Variants in SLC27A1 observed in about 807,000 individuals in gnomAD.
The protein encoded by SLC27A1 is long-chain fatty acid transport protein 1.
Under a neutral mutation model 62.2 loss-of-function variants are expected in SLC27A1, and 61 were observed. The ratio of observed to expected loss-of-function variants is 0.98; its 90% CI spans 0.80 to 1.21. The LOEUF is 1.21. SLC27A1 is among the 50% of genes most tolerant of loss of function. The pLI is 0.00. For synonymous variants in SLC27A1, 435 were observed against 408.6 expected (o/e 1.06, Z -0.78); for missense variants, 903 against 932.1 (o/e 0.97, Z 0.41).
At chr19:17,504,263 G>C (rs892210306) in intron 11 of SLC27A1, among the ~76,000 whole-genome samples, 192 bp from the exon 12 acceptor site, 5 of 152,150 alleles carry the variant, frequency 3.3e-5, no homozygotes, top group Non-Finnish European at 7.4e-5. Context: ...GGTTAGGGAG[G>C]CCTCACTGGA....
upstream of SLC27A1, chr19:17,470,478 C>T (rs1568406972): frequency 1.1e-5 from 16 of 1,398,360 alleles, no homozygotes; most frequent in East Asian, 8.9e-5. Context: ...GGTCGTGGGG[C>T]GGAGCGGGTC....
chr19:17,479,114 A>T (rs937814129), intron 1 of SLC27A1, among the ~76,000 whole-genome samples: 10 of 152,174 alleles, frequency 6.6e-5, no homozygotes, highest in South Asian at 4.2e-4. Context: ...TAAAAAATTT[A>T]AAAAATTATC....
Position 17,487,182 on chromosome 19 carries a change from GAA to G in SLC27A1, c.572_573del (p.Glu191GlyfsTer92). On this transcript the variant is annotated frameshift_variant, in exon 3 of 12. Transcript: ENST00000252595. LOFTEE classifies it high-confidence loss of function. ...FGGEMVAAVA[E>X]VSGHLGKSLI... Reference sequence around the variant, plus strand: ...TGTGTTGGGGACCACAGCGGTGGCCGAAGTGAGCGGGCATCTGGGGAAAAGTT... The same window carrying G: ...TGTGTTGGGGACCACAGCGGTGGCCGGTGAGCGGGCATCTGGGGAAAAGTT... The G allele has an allele frequency of 1.2e-6, 2 of 1,614,082 alleles. No individual in the cohort carries two copies. The highest frequency in any genetic ancestry group is 3.3e-5 in the Admixed American group (2 of 60,014).
upstream of SLC27A1, among the ~76,000 whole-genome samples, chr19:17,469,800 A>G (rs1347247859): frequency 6.7e-6 from 1 of 148,916 alleles, no homozygotes; most frequent in Non-Finnish European, 1.5e-5. Context: ...TGGCCAGGAT[A>G]GAACCTGAGC....
Position 17,470,708 on chromosome 19 carries a change from G to A in SLC27A1, c.167+1G>A, listed in dbSNP as rs777347224. ...GCAAGACCGCGAGGCGAGACCTCTT[G>A]TGAGTGTTGCCGGGATCCGTCCAGG... On this transcript the variant is annotated splice_donor_variant, in intron 1 of 11. Coordinates refer to ENST00000252595, the MANE Select transcript of SLC27A1 (RefSeq NM_198580.3). LOFTEE classifies it high-confidence loss of function. 2.5e-6 allele frequency: 4 copies of A among 1,581,478 alleles called. No homozygotes were observed. Among genetic ancestry groups the A allele is most frequent in the Non-Finnish European group, 3.4e-6 (4 of 1,169,936 alleles).
In SLC27A1 at chr19:17,500,839, CCAGA is replaced by C. The variant is rs758341108; in HGVS notation, c.1605_1608del (p.Asp536TrpfsTer87). The C allele has an allele frequency of 1.9e-6, 3 of 1,610,860 alleles. No homozygotes were observed. The highest frequency in any genetic ancestry group is 2.7e-5 in the African/African-American group (2 of 74,910). On this transcript the variant is annotated frameshift_variant, in exon 10 of 12. Coordinates refer to ENST00000252595, the MANE Select transcript of SLC27A1 (RefSeq NM_198580.3). LOFTEE classifies it high-confidence loss of function. Reference sequence around the variant, plus strand: ...AGGGCGTGCTGAGCCGCCTGCTGGGCCAGACAGACGTGGCCGTCTATGGGGTGGC... The same window carrying C: ...AGGGCGTGCTGAGCCGCCTGCTGGGCCAGACGTGGCCGTCTATGGGGTGGC...
At position 17,500,747 on chromosome 19, in the gene SLC27A1, T is replaced by C. The variant is rs747586476; in HGVS notation, c.1507T>C (p.Tyr503His). 9.9e-6 allele frequency: 16 copies of C among 1,613,862 alleles called. 1 individual carries two copies. In the Admixed American group the frequency reaches 2.5e-4, roughly 25 times the overall value. Residue 503 changes from tyrosine to histidine, a missense_variant, in exon 10 of 12, where the codon TAC becomes CAC. Tyr to His is a moderately conservative substitution (Grantham distance 83, BLOSUM62 2). Transcript: ENST00000252595. ...VLVMDELGYM[Y>H]FRDRSGDTFR... The stretch of plus-strand genomic sequence containing the variant: ...AGTGATGGATGAGCTGGGCTACATG[T>C]ACTTCCGGGACCGTAGCGGGGACAC...
At chr19:17,502,674 CTTTT>C (rs2075430635) in intron 11 of SLC27A1, among the ~76,000 whole-genome samples, 1 of 151,304 alleles carries the variant, frequency 6.6e-6, no homozygotes, top group Admixed American at 6.6e-5. Context: ...TTTTCTTTTT[CTTTT>C]GTTTTTTTTG....
chr19:17,498,495 G>C (rs2075373038), intron 7 of SLC27A1: 1 of 159,722 alleles, frequency 6.3e-6, no homozygotes, highest in South Asian at 2.0e-4. Context: ...GCTCACTGTA[G>C]CTCAGATTCT....
intron 6 of SLC27A1, among the ~76,000 whole-genome samples, chr19:17,495,113 C>T (rs980001940): frequency 2.6e-5 from 4 of 151,810 alleles, no homozygotes; most frequent in African/African-American, 9.7e-5. Flanking sequence ...GCTGGGATTA[C>T]AGGCACATGC....
intron 9 of SLC27A1, 27 bp from the exon 10 acceptor site, chr19:17,500,685 C>T: frequency 7.4e-6 from 12 of 1,614,044 alleles, no homozygotes; most frequent in East Asian, 2.2e-5. Flanking sequence ...GGATCCTCCA[C>T]CCATCTGCCC....
intron 6 of SLC27A1, among the ~76,000 whole-genome samples, chr19:17,492,616 CAA>C (rs35790162): frequency 8.5e-5 from 6 of 70,630 alleles, no homozygotes; most frequent in South Asian, 6.1e-4. Flanking sequence ...GACTCCATCT[CAA>C]AAAAAAAAAA....
chr19:17,487,573 C>T (rs557275408), intron 4 of SLC27A1, 44 bp downstream of exon 4: 2 of 1,585,584 alleles, frequency 1.3e-6, no homozygotes, highest in East Asian at 4.5e-5. Context: ...CTGAGAGTGA[C>T]CCAGGCTATC....
At chr19:17,475,572 G>A (rs775745706) in intron 1 of SLC27A1, among the ~76,000 whole-genome samples, 6 of 152,140 alleles carry the variant, frequency 3.9e-5, no homozygotes, top group Admixed American at 6.5e-5. Flanking sequence ...CATTTAACAC[G>A]TGAGAGAACA....
intron 1 of SLC27A1, among the ~76,000 whole-genome samples, chr19:17,472,463 C>G (rs547289326): frequency 4.6e-5 from 7 of 152,080 alleles, no homozygotes; most frequent in Non-Finnish European, 8.8e-5. Flanking sequence ...AGGTCCCTGA[C>G]CATGTCCCAG....
intron 11 of SLC27A1, among the ~76,000 whole-genome samples, chr19:17,502,335 GTTTTTTTTGTTTTTTTT>G (rs1312670314): frequency 4.0e-4 from 30 of 75,902 alleles, no homozygotes; most frequent in Admixed American, 2.4e-3. Context: ...CTGAAATAGT[GTTTTTTTTGTTTTTTTT>G]TTTTTTTTTT....
rs774576909 is a variant in SLC27A1, at chr19:17,504,599, C to T, written c.1928C>T (p.Ala643Val). 2.5e-6 allele frequency: 4 copies of T among 1,614,174 alleles called. No individual in the cohort carries two copies. The highest frequency in any genetic ancestry group is 2.5e-6 in the Non-Finnish European group (3 of 1,180,044). The stretch of plus-strand genomic sequence containing the variant: ...GTCTACACTCGCATCTGCTCGGGCG[C>T]CTTCGCCCTCTGAAGCTGTTCCTCT... ...EAVYTRICSGAFAL is the reference protein window; with the variant it reads ...EAVYTRICSGVFAL Residue 643 changes from alanine (A) to valine (V), a missense_variant, in exon 12 of 12, where the codon GCC becomes GTC. By Grantham distance (64) the Ala-to-Val change is moderately conservative. Coordinates refer to ENST00000252595, the MANE Select transcript of SLC27A1 (RefSeq NM_198580.3).
chr19:17,500,297 A>G lies in SLC27A1; in HGVS notation c.1226A>G (p.Asn409Ser), dbSNP rs753294700. The G allele has an allele frequency of 6.2e-6, 10 of 1,613,804 alleles. No individual in the cohort carries two copies. The Admixed American group carries it at 6.7e-5, about 11-fold the overall frequency. ...MDGKVGSCGF[N>S]SRILPHVYPI... ...TTCCAGGTCGGCTCCTGTGGTTTCA[A>G]CAGCCGCATCCTGCCCCACGTGTAC... The change falls in exon 8 of 12, where the codon AAC (asparagine) becomes AGC (serine). Residue 409 changes from asparagine to serine, a missense_variant. Transcript: ENST00000252595.
chr19:17,503,954 AAAAG>A (rs2075445935), intron 11 of SLC27A1, among the ~76,000 whole-genome samples: 1 of 150,060 alleles, frequency 6.7e-6, no homozygotes, highest in African/African-American at 2.5e-5. Flanking sequence ...AAAAAAAAAA[AAAAG>A]GGTTTTTGCA....
Sources: allele counts gnomAD v4.1 joint callset (sites outside exome capture counted in the v4.1 genomes callset), GRCh38; gene constraint gnomAD v4.1.1; transcripts MANE v1.5; gene names NCBI Gene and HGNC (gene_info 2026-07-23, HGNC 2026-07-21).